IMMP2L: variants seen among roughly 807,000 people sequenced by gnomAD.
IMMP2L encodes the protein inner mitochondrial membrane peptidase subunit 2.
In IMMP2L, 18 loss-of-function variants were observed where a neutral mutation model predicts 19.3. That is an observed-to-expected ratio of 0.93 (90% CI 0.64 to 1.38). The LOEUF (loss-of-function observed/expected upper bound fraction) is 1.38, where lower values mean the gene tolerates loss of function less well. Ranked by LOEUF, IMMP2L falls within the 40% of genes most tolerant of loss-of-function variation. IMMP2L has a pLI of 0.00. For missense variants in IMMP2L, 233 were observed against 218.2 expected, an observed-to-expected ratio of 1.07 and a Z score of -0.43; for synonymous variants, 76 against 73.0, an observed-to-expected ratio of 1.04 and a Z score of -0.21.
At chr7:110,790,978 T>C (rs1217098888) in intron 5 of IMMP2L, among the ~76,000 whole-genome samples, 2 of 151,606 alleles carry the variant, frequency 1.3e-5, no homozygotes, top group African/African-American at 2.4e-5. Flanking sequence ...CTGGGCACCC[T>C]GAAAACTGAC....
At chr7:111,547,400 C>T (rs1242117750) in intron 1 of IMMP2L, among the ~76,000 whole-genome samples, 1 of 152,040 alleles carries the variant, frequency 6.6e-6, no homozygotes, top group Non-Finnish European at 1.5e-5. Context: ...AGTTGATTCT[C>T]ACTTTATCAT....
intron 5 of IMMP2L, among the ~76,000 whole-genome samples, chr7:110,738,928 C>A (rs1164037916): frequency 6.6e-6 from 1 of 152,150 alleles, no homozygotes; most frequent in African/African-American, 2.4e-5. Context: ...TTAAACAAAA[C>A]AATTATCGCC....
At chr7:111,372,026 C>T (rs990540351) in intron 3 of IMMP2L, among the ~76,000 whole-genome samples, 1 of 151,960 alleles carries the variant, frequency 6.6e-6, no homozygotes, top group Non-Finnish European at 1.5e-5. Flanking sequence ...CAAACATTTT[C>T]CAAAGTTTCA....
In IMMP2L at chr7:110,671,422, G is replaced by T. The variant is rs145527890; in HGVS notation, c.409-7701C>A. Among the ~76,000 whole-genome samples the T allele has an allele frequency of 2.8e-4, 42 of 152,002 alleles. No homozygotes were observed. The East Asian group carries it at 7.9e-3, about 29-fold the overall frequency. ...TTGTATTCACTACTTGAATATTCCT[G>T]CTTCCCACTTTAGCAATCTCTGTTT... On this transcript the variant is annotated intron_variant, in intron 5 of 5. Coordinates refer to ENST00000405709, the MANE Select transcript of IMMP2L (RefSeq NM_032549.4).
At chr7:111,186,446 G>A (rs954224030) in intron 3 of IMMP2L, among the ~76,000 whole-genome samples, 60 of 151,484 alleles carry the variant, frequency 4.0e-4, no homozygotes, top group African/African-American at 1.4e-3. Flanking sequence ...TTTAGAAGGA[G>A]TTTCACTCTT....
intron 3 of IMMP2L, among the ~76,000 whole-genome samples, chr7:111,054,844 T>C (rs767255015): frequency 2.6e-5 from 4 of 152,186 alleles, no homozygotes; most frequent in East Asian, 1.9e-4. Context: ...CCCGATGTGA[T>C]AAATTTAAAG....
intron 4 of IMMP2L, among the ~76,000 whole-genome samples, chr7:110,935,848 GAT>G (rs1286996181): frequency 6.6e-6 from 1 of 152,104 alleles, no homozygotes; most frequent in East Asian, 1.9e-4. Flanking sequence ...TACCAAAACA[GAT>G]ATATAGACCA....
At chr7:111,287,631 G>A (rs1006148310) in intron 3 of IMMP2L, among the ~76,000 whole-genome samples, 1 of 151,900 alleles carries the variant, frequency 6.6e-6, no homozygotes, top group Non-Finnish European at 1.5e-5. Flanking sequence ...TGGCTACGTC[G>A]GCTTGCTAGT....
chr7:111,311,439 T>A (rs187358605), intron 3 of IMMP2L, among the ~76,000 whole-genome samples: 340 of 152,178 alleles, frequency 2.2e-3, no homozygotes, highest in Non-Finnish European at 3.1e-3. Context: ...CAAGGATTAG[T>A]GTCAAGTAAG....
intron 4 of IMMP2L, among the ~76,000 whole-genome samples, chr7:110,922,568 A>T (rs1814408465): frequency 6.6e-6 from 1 of 152,202 alleles, no homozygotes; most frequent in African/African-American, 2.4e-5. Flanking sequence ...TTTAAAAATT[A>T]AGTGACTCAA....
intron 3 of IMMP2L, among the ~76,000 whole-genome samples, chr7:111,191,122 C>G (rs982690063): frequency 1.3e-5 from 2 of 152,092 alleles, no homozygotes; most frequent in Non-Finnish European, 2.9e-5. Context: ...CAAGGCCAGC[C>G]TGGCTTACAA....
intron 5 of IMMP2L, among the ~76,000 whole-genome samples, chr7:110,764,723 A>C (rs1351131672): frequency 6.6e-6 from 1 of 152,102 alleles, no homozygotes; most frequent in African/African-American, 2.4e-5. Flanking sequence ...AAGTGGGAAA[A>C]AGAATATGTA....
At chr7:110,732,566 C>G (rs2130823820) in intron 5 of IMMP2L, among the ~76,000 whole-genome samples, 1 of 152,186 alleles carries the variant, frequency 6.6e-6, no homozygotes, top group Non-Finnish European at 1.5e-5. Flanking sequence ...TACCAGTTTG[C>G]TTTTATAAGG....
intron 3 of IMMP2L, among the ~76,000 whole-genome samples, chr7:111,485,659 T>G (rs1459399596): frequency 7.0e-6 from 1 of 143,776 alleles, no homozygotes; most frequent in Non-Finnish European, 1.5e-5. Flanking sequence ...AATTTATATA[T>G]CAATCCCAAT....
intron 3 of IMMP2L, among the ~76,000 whole-genome samples, chr7:111,382,363 TCAAA>T (rs1831281121): frequency 6.6e-6 from 1 of 150,600 alleles, no homozygotes; most frequent in Non-Finnish European, 1.5e-5. Context: ...AGAAAAAAAA[TCAAA>T]AAGTATTTGG....
At chr7:111,225,691 C>CAA (rs36112021) in intron 3 of IMMP2L, among the ~76,000 whole-genome samples, 1,791 of 112,268 alleles carry the variant, frequency 0.016, 36 homozygotes, top group African/African-American at 0.04. Flanking sequence ...GAGATAGAGC[C>CAA]AAAAAAAAAA....
intron 3 of IMMP2L, among the ~76,000 whole-genome samples, chr7:111,047,520 T>C (rs1216061994): frequency 1.3e-5 from 2 of 152,186 alleles, no homozygotes; most frequent in South Asian, 2.1e-4. Flanking sequence ...TTTTTCTTTC[T>C]CTTGGATTTC....
In IMMP2L at chr7:110,803,703, T is replaced by C. The variant is rs559504336; in HGVS notation, c.408+82890A>G. On this transcript the variant is annotated intron_variant, in intron 5 of 5. Coordinates refer to ENST00000405709, the MANE Select transcript of IMMP2L (RefSeq NM_032549.4). The surrounding 1 kb of genome is among the most constrained non-coding windows in gnomAD (Gnocchi z 4.2). ...CCCTGTAGCCAAGGGCAAGTCCTGA[T>C]GGGCTGACAGGCTATCCCCTGGGAG... Among the ~76,000 whole-genome samples, 76 of 152,168 alleles carry C rather than the reference T, an allele frequency of 5.0e-4. No homozygotes were observed. Among genetic ancestry groups the C allele is most frequent in the African/African-American group, 1.8e-3 (74 of 41,562 alleles).
chr7:111,049,171 C>T (rs1232133922), intron 3 of IMMP2L, among the ~76,000 whole-genome samples: 1 of 121,462 alleles, frequency 8.2e-6, no homozygotes, highest in Non-Finnish European at 1.6e-5. Flanking sequence ...CGCTCTGTCG[C>T]CCAGGCTGGA....
Sources: gnomAD v4.1 joint callset for allele counts (sites outside exome capture counted in the v4.1 genomes callset) on GRCh38, gnomAD v4.1.1 for gene constraint, Gnocchi (gnomAD v3.1) non-coding constraint, MANE v1.5 for transcripts, NCBI Gene and HGNC (gene_info 2026-07-23, HGNC 2026-07-21) for gene names.